The following ALDH1A3 variants were observed in gnomAD, a reference collection of about 807,000 sequenced individuals.
ALDH1A3 encodes aldehyde dehydrogenase 1 family member A3.
In ALDH1A3, 28 loss-of-function variants were observed where a neutral mutation model predicts 57.5. The ratio of observed to expected loss-of-function variants is 0.49; its 90% CI spans 0.36 to 0.67. ALDH1A3 has a LOEUF of 0.67. ALDH1A3 is among the 30% of genes least tolerant of loss of function. The probability of loss-of-function intolerance (pLI) is 0.00; values close to 1 mark genes in which losing one functional copy is unlikely to be tolerated. For missense variants in ALDH1A3, 507 were observed against 669.4 expected (o/e 0.76, Z 2.68); for synonymous variants, 281 against 264.8 (o/e 1.06, Z -0.59).
At chr15:100,908,226 T>G (rs1177221647) in intron 11 of ALDH1A3, among the ~76,000 whole-genome samples, 182 bp from the exon 12 acceptor site, 1 of 152,154 alleles carries the variant, frequency 6.6e-6, no homozygotes, top group East Asian at 1.9e-4. Flanking sequence ...TTTCCAAATT[T>G]TAGTTGCTGA....
rs1258527721 is a variant in ALDH1A3 at position 100,896,160 on chromosome 15, T to C, written c.780+114T>C. On this transcript the variant is annotated intron_variant, in intron 7 of 12. Transcript: ENST00000329841. ...TTTGTTTTTCTTCTAAATTTGACCA[T>C]GTTTTAGTACATAACAACCAGTTAA... 1.6e-5 allele frequency: 14 copies of C among 867,978 alleles called. No individual in the cohort carries two copies. The African/African-American group carries it at 1.8e-4, about 11-fold the overall frequency. The allele number at this position is 867,978 out of a possible 1,614,324, so 53.8% of individuals were successfully genotyped here.
chr15:100,892,116 C>A, intron 3 of ALDH1A3: 1 of 188,176 alleles, frequency 5.3e-6, no homozygotes, highest in Non-Finnish European at 1.1e-5. Context: ...CTTCAGAGAG[C>A]TTCCTGGGAA....
chr15:100,881,009 T>G (rs1405216469), intron 1 of ALDH1A3: 1 of 152,354 alleles, frequency 6.6e-6, no homozygotes. Flanking sequence ...TCTTGATTTT[T>G]GCTTTTACCC....
At chr15:100,914,596 A>G (rs1012357976) in intron 12 of ALDH1A3, 105 bp from the exon 13 acceptor site, 6 of 1,060,748 alleles carry the variant, frequency 5.7e-6, no homozygotes, top group African/African-American at 1.6e-5. Flanking sequence ...AACCTTTTGC[A>G]TAAGCCTCCA....
intron 12 of ALDH1A3, among the ~76,000 whole-genome samples, chr15:100,912,003 T>C (rs949236671): frequency 2.6e-5 from 4 of 152,248 alleles, no homozygotes; most frequent in Non-Finnish European, 5.9e-5. Context: ...GATTTATATA[T>C]GTGTGTTCTT....
chr15:100,899,269 C>A (rs940855173), intron 8 of ALDH1A3, among the ~76,000 whole-genome samples: 2 of 152,148 alleles, frequency 1.3e-5, no homozygotes, highest in African/African-American at 4.8e-5. Flanking sequence ...GTTTTTGGAG[C>A]CACACGGAGC....
chr15:100,897,964 G>A, intron 7 of ALDH1A3, 119 bp from the exon 8 acceptor site: 1 of 857,782 alleles, frequency 1.2e-6, no homozygotes, highest in South Asian at 1.6e-5. Flanking sequence ...GAGCGCCTGG[G>A]CCGAGAGCCA....
intron 1 of ALDH1A3, chr15:100,880,331 G>C (rs1255541728): frequency 5.4e-6 from 2 of 372,200 alleles, no homozygotes; most frequent in East Asian, 7.7e-5. Flanking sequence ...GAGTGGAGGT[G>C]CGCGCCGCGT....
rs2041822387 is a variant in ALDH1A3 at position 100,906,402 on chromosome 15, G to A, written c.1233+715G>A. 6.6e-6 allele frequency among the ~76,000 whole-genome samples: 1 copy of A among 152,200 alleles called. No individual in the cohort carries two copies. Among genetic ancestry groups the A allele is most frequent in the African/African-American group, 2.4e-5 (1 of 41,448 alleles). ...AGGGCTTTCTGGGGCAGGTATTTCAGAGGCGTCTTCCTTGAGATTGTTATG... is the reference window on the plus strand; with the variant it reads ...AGGGCTTTCTGGGGCAGGTATTTCAAAGGCGTCTTCCTTGAGATTGTTATG... On this transcript the variant is annotated intron_variant, in intron 10 of 12. Coordinates refer to ENST00000329841, the MANE Select transcript of ALDH1A3 (RefSeq NM_000693.4). The surrounding 1 kb of genome is among the most constrained non-coding windows in gnomAD (Gnocchi z 4.8).
At position 100,879,969 on chromosome 15, in the gene ALDH1A3, C is replaced by G. The variant is rs1178227946; in HGVS notation, c.62C>G (p.Pro21Arg). 2.7e-6 allele frequency: 4 copies of G among 1,476,182 alleles called. No individual in the cohort carries two copies. The highest frequency in any genetic ancestry group is 3.6e-6 in the Non-Finnish European group (4 of 1,112,350). The allele number at this position is 1,476,182 out of a possible 1,614,324, so 91.4% of individuals were successfully genotyped here. The change falls in exon 1 of 13, where the codon CCG becomes CGG. Residue 21 changes from proline to arginine, a missense_variant. Transcript: ENST00000329841. ...GQPDRKPPALPRPIRNLEVKF... is the reference protein window; with the variant it reads ...GQPDRKPPALRRPIRNLEVKF... Reference sequence around the variant, plus strand: ...CCGGACAGGAAGCCGCCGGCCCTGCCGCGCCCCATCCGCAACCTGGAGGTC... The same window carrying G: ...CCGGACAGGAAGCCGCCGGCCCTGCGGCGCCCCATCCGCAACCTGGAGGTC...
At position 100,900,577 on chromosome 15, in the gene ALDH1A3, G is replaced by A. The variant is rs1409489382; in HGVS notation, c.886G>A (p.Asp296Asn). The change falls in exon 9 of 13, where the codon GAC (aspartate) becomes AAC (asparagine). Residue 296 changes from aspartate to asparagine, a missense_variant and splice_region_variant. Asp to Asn is a conservative substitution (Grantham distance 23). Transcript: ENST00000329841. Reference sequence around the variant, plus strand: ...CTCCCTCGCCCCTCCCCCTCCAGTGGACTTGGCAGTGGAGTGTGCCCATCA... The same window carrying A: ...CTCCCTCGCCCCTCCCCCTCCAGTGAACTTGGCAGTGGAGTGTGCCCATCA... ...PCIVCADADL[D>N]LAVECAHQGV... is the part of the protein sequence containing the mutation. 1 of 1,583,442 alleles carries A rather than the reference G, an allele frequency of 6.3e-7. No individual in the cohort carries two copies. The highest frequency in any genetic ancestry group is 8.6e-7 in the Non-Finnish European group (1 of 1,163,692).
intron 1 of ALDH1A3, chr15:100,880,296 T>TC (rs893686311): frequency 2.6e-6 from 1 of 379,254 alleles, no homozygotes; most frequent in African/African-American, 2.1e-5. Flanking sequence ...CCCCGACGTG[T>TC]CCCTGCGCTG....
intron 1 of ALDH1A3, among the ~76,000 whole-genome samples, chr15:100,884,570 T>C (rs2041575990): frequency 6.9e-6 from 1 of 144,394 alleles, no homozygotes; most frequent in Non-Finnish European, 1.5e-5. Context: ...TCTGGGTTTT[T>C]TTTTTTTTTT....
intron 9 of ALDH1A3, 115 bp downstream of exon 9, chr15:100,900,874 C>G: frequency 4.3e-6 from 5 of 1,151,988 alleles, no homozygotes; most frequent in Non-Finnish European, 6.0e-6. Context: ...ACCTGTCCTG[C>G]CCAGGAGGCT....
rs1373218553 is a variant in ALDH1A3 at position 100,909,472 on chromosome 15, TCAGTGTGTGAAC to T, written c.1466+992_1466+1003del. On this transcript the variant is annotated intron_variant, in intron 12 of 12. Coordinates refer to ENST00000329841, the MANE Select transcript of ALDH1A3 (RefSeq NM_000693.4). ...CCCTCCACATGTGTGTGCAAACTCC[TCAGTGTGTGAAC>T]CCACTGCAAACCCCAGTGTGTGCAA... Among the ~76,000 whole-genome samples the T allele has an allele frequency of 2.7e-3, 214 of 78,682 alleles. 8 individuals carry two copies. Among genetic ancestry groups the T allele is most frequent in the African/African-American group, 8.9e-3 (203 of 22,902 alleles). 51.6% of individuals were successfully genotyped at this position (78,682 alleles called of 152,430 possible).
rs147665432 is a variant in ALDH1A3, at chr15:100,898,114, G to C, written c.812G>C (p.Arg271Pro). 1 of 1,614,114 alleles carries C rather than the reference G, an allele frequency of 6.2e-7. No homozygotes were observed. The highest frequency in any genetic ancestry group is 2.2e-5 in the East Asian group (1 of 44,882). Residue 271 changes from arginine (R) to proline (P), a missense_variant, in exon 8 of 13, where the codon CGG (arginine) becomes CCG (proline). By Grantham distance (103) the Arg-to-Pro change is moderately radical. Coordinates refer to ENST00000329841, the MANE Select transcript of ALDH1A3 (RefSeq NM_000693.4). ...AAACTGGTTAAAGAAGCTGCGTCCC[G>C]GAGCAATCTGAAGCGGGTGACGCTG... Reference protein sequence around the residue: ...VGKLVKEAASRSNLKRVTLEL... With the variant: ...VGKLVKEAASPSNLKRVTLEL...
Position 100,896,385 on chromosome 15 carries a change from G to A in ALDH1A3, c.780+339G>A, listed in dbSNP as rs534970139. On this transcript the variant is annotated intron_variant, in intron 7 of 12. Coordinates refer to ENST00000329841, the MANE Select transcript of ALDH1A3 (RefSeq NM_000693.4). ...TGCAGTGCTCCAAGAATTTATATCC[G>A]TCATATGCAAAGTGCTCCTACAAGT... 4.6e-4 allele frequency among the ~76,000 whole-genome samples: 70 copies of A among 151,566 alleles called. 1 individual carries two copies. The highest frequency in any genetic ancestry group is 8.8e-4 in the Non-Finnish European group (60 of 67,960).
intron 1 of ALDH1A3, 34 bp downstream of exon 1, chr15:100,880,040 G>C (rs1159656263): frequency 1.4e-6 from 2 of 1,418,598 alleles, no homozygotes; most frequent in Non-Finnish European, 1.9e-6. Flanking sequence ...CGACGGCCGC[G>C]GGCCCCTGCG....
chr15:100,880,024 C>A lies in ALDH1A3; in HGVS notation c.99+18C>A, dbSNP rs1220438489. The stretch of plus-strand genomic sequence containing the variant: ...TCACCAAGGTGAGGCGGGCGCCCCT[C>A]CCACCCGACGGCCGCGGGCCCCTGC... On this transcript the variant is annotated intron_variant, in intron 1 of 12. Coordinates refer to ENST00000329841, the MANE Select transcript of ALDH1A3 (RefSeq NM_000693.4). 5 of 1,442,576 alleles carry A rather than the reference C, an allele frequency of 3.5e-6. No individual in the cohort carries two copies. Among genetic ancestry groups the A allele is most frequent in the Non-Finnish European group, 4.6e-6 (5 of 1,091,890 alleles). The allele number at this position is 1,442,576 out of a possible 1,614,324, so 89.4% of individuals were successfully genotyped here.
Sources: gnomAD v4.1 joint callset for allele counts (sites outside exome capture counted in the v4.1 genomes callset) on GRCh38, gnomAD v4.1.1 for gene constraint, Gnocchi (gnomAD v3.1) non-coding constraint, MANE v1.5 for transcripts, NCBI Gene and HGNC (gene_info 2026-07-23, HGNC 2026-07-21) for gene names.